PCNT: variants seen among roughly 807,000 people sequenced by gnomAD.
The protein encoded by PCNT is pericentrin, also known as kendrin.
In PCNT, 319 loss-of-function variants were observed where a neutral mutation model predicts 380.4. The observed-to-expected ratio is 0.84, with a 90% CI of 0.77 to 0.92. The LOEUF is 0.92. Ranked by LOEUF, PCNT falls within the 40% of genes least tolerant of loss-of-function variation. The pLI is 0.00. For missense variants in PCNT, 4,400 were observed against 4,255.3 expected, an observed-to-expected ratio of 1.03 and a Z score of -0.95; for synonymous variants, 1,845 against 1,735.2, an observed-to-expected ratio of 1.06 and a Z score of -1.57.
At position 46,399,177 on chromosome 21, in the gene PCNT, T is replaced by C. The variant is rs558164406; in HGVS notation, c.4585-413T>C. ...CATTTTCCTAACAAATTCTGTATTA[T>C]AGAGAATGCCTTTCTTAACACAACA... is the stretch of plus-strand genomic sequence containing the variant. On this transcript the variant is annotated intron_variant, in intron 24 of 46. Transcript: ENST00000359568. Among the ~76,000 whole-genome samples the C allele has an allele frequency of 1.1e-3, 173 of 151,772 alleles. 1 individual carries two copies. The highest frequency in any genetic ancestry group is 1.3e-3 in the Non-Finnish European group (89 of 67,844).
intron 21 of PCNT, among the ~76,000 whole-genome samples, chr21:46,395,070 C>T: frequency 6.6e-6 from 1 of 152,246 alleles, no homozygotes; most frequent in East Asian, 1.9e-4. Context: ...GCCCTCAGGC[C>T]TCGCCGCACG....
At chr21:46,368,059 G>A (rs1204830287) in intron 15 of PCNT, among the ~76,000 whole-genome samples, 2 of 152,208 alleles carry the variant, frequency 1.3e-5, no homozygotes, top group South Asian at 2.1e-4. Context: ...GGAGGCTGAA[G>A]CAGGAGGATT....
intron 13 of PCNT, among the ~76,000 whole-genome samples, chr21:46,362,438 T>G (rs2084754297): frequency 6.6e-6 from 1 of 152,164 alleles, no homozygotes; most frequent in East Asian, 1.9e-4. Flanking sequence ...GCCTTCAGGT[T>G]TTTTTGTACG....
Position 46,346,726 on chromosome 21 carries a change from C to A in PCNT, c.721-17C>A. 1 of 1,590,854 alleles carries A rather than the reference C, an allele frequency of 6.3e-7. No homozygotes were observed. Among genetic ancestry groups the A allele is most frequent in the Non-Finnish European group, 8.5e-7 (1 of 1,170,118 alleles). ...TCTGACCATGGGCCCTTATCAGAGG[C>A]CTTTTCTCCGCCGCAGGCCGTGCAT... On this transcript the variant is annotated splice_polypyrimidine_tract_variant and intron_variant, in intron 4 of 46. Coordinates refer to ENST00000359568, the MANE Select transcript of PCNT (RefSeq NM_006031.6).
At chr21:46,417,355 C>T (rs1054025797) in intron 30 of PCNT, among the ~76,000 whole-genome samples, 3 of 151,884 alleles carry the variant, frequency 2.0e-5, no homozygotes, top group African/African-American at 7.3e-5. Context: ...CCACCACACC[C>T]GGCTAATTTT....
intron 2 of PCNT, among the ~76,000 whole-genome samples, chr21:46,332,974 A>C (rs1283963286): frequency 6.6e-6 from 1 of 152,224 alleles, no homozygotes; most frequent in Non-Finnish European, 1.5e-5. Context: ...TAAGCTGGGC[A>C]CAGTGGCGCA....
rs2085923227 is a variant in PCNT, at chr21:46,388,665, G to A, written c.3465-77G>A. On this transcript the variant is annotated intron_variant, in intron 17 of 46. Coordinates refer to ENST00000359568, the MANE Select transcript of PCNT (RefSeq NM_006031.6). The surrounding 1 kb of genome is among the most constrained non-coding windows in gnomAD (Gnocchi z 4.2). The stretch of plus-strand genomic sequence containing the variant: ...GGCCGAGGTGTGCAAACTGGTGGGC[G>A]GCCCCTCAGCAGCATCCAGGGTGGG... 21 of 1,575,526 alleles carry A rather than the reference G, an allele frequency of 1.3e-5. No homozygotes were observed. The highest frequency in any genetic ancestry group is 2.2e-5 in the East Asian group (1 of 44,686).
chr21:46,439,142 G>T (rs2053540778), intron 41 of PCNT, among the ~76,000 whole-genome samples: 1 of 151,616 alleles, frequency 6.6e-6, no homozygotes, highest in Non-Finnish European at 1.5e-5. Flanking sequence ...CTTTCCTGGT[G>T]TAGTGTCATA....
intron 11 of PCNT, among the ~76,000 whole-genome samples, 156 bp downstream of exon 11, chr21:46,354,224 G>A (rs144597103): frequency 3.3e-5 from 5 of 152,174 alleles, no homozygotes; most frequent in Non-Finnish European, 5.9e-5. Flanking sequence ...CTGCTGCTCC[G>A]CGGTGGGCCT....
chr21:46,415,365 ATTTTTTTTTTTTTTTTT>A (rs35983555), intron 29 of PCNT, among the ~76,000 whole-genome samples: 6 of 65,288 alleles, frequency 9.2e-5, no homozygotes, highest in Non-Finnish European at 1.6e-4. Context: ...GTTTCTTTGA[ATTTTTTTTTTTTTTTTT>A]TTTTTTTTTT....
Position 46,431,846 on chromosome 21 carries a change from G to T in PCNT, c.8382G>T (p.Leu2794=). 1 of 1,614,026 alleles carries T rather than the reference G, an allele frequency of 6.2e-7. No individual in the cohort carries two copies. Among genetic ancestry groups the T allele is most frequent in the Non-Finnish European group, 8.5e-7 (1 of 1,180,036 alleles). The part of the protein sequence containing the change: ...TQAHHALLQK[L]KEEKSRVVDL... ...CCCATCACGCTCTGCTGCAGAAGCTGAAGGAGGAGAAGTCCCGGGTGGTGG... is the reference window on the plus strand; with the variant it reads ...CCCATCACGCTCTGCTGCAGAAGCTTAAGGAGGAGAAGTCCCGGGTGGTGG... The change falls in exon 38 of 47, where the codon CTG becomes CTT. Residue 2794 remains leucine, a synonymous_variant. Coordinates refer to ENST00000359568, the MANE Select transcript of PCNT (RefSeq NM_006031.6).
intron 31 of PCNT, among the ~76,000 whole-genome samples, chr21:46,421,316 T>G (rs559144251): frequency 4.0e-5 from 6 of 150,474 alleles, no homozygotes. Context: ...TGTTTTGAAG[T>G]CTAACACCCT....
rs760689768 is a variant in PCNT at position 46,411,142 on chromosome 21, G to A, written c.5116-47G>A. 18 of 1,575,834 alleles carry A rather than the reference G, an allele frequency of 1.1e-5. 1 individual carries two copies. The highest frequency in any genetic ancestry group is 1.0e-4 in the South Asian group (9 of 89,730). On this transcript the variant is annotated intron_variant, in intron 27 of 46. Transcript: ENST00000359568. ...AACGTGCCCTGAAGTAGGGACATTCGGAAGTGGATACATTTAATTTGCCTC... is the reference window on the plus strand; with the variant it reads ...AACGTGCCCTGAAGTAGGGACATTCAGAAGTGGATACATTTAATTTGCCTC...
chr21:46,440,062 G>A (rs757539986), intron 41 of PCNT, 21 bp from the exon 42 acceptor site: 36 of 1,613,632 alleles, frequency 2.2e-5, no homozygotes, highest in East Asian at 6.7e-5. Flanking sequence ...TGTAGACAGC[G>A]CTGGCTGTGC....
At position 46,431,960 on chromosome 21, in the gene PCNT, G is replaced by A. The variant is rs749568356; in HGVS notation, c.8496G>A (p.Ala2832=). The change falls in exon 38 of 47, where the codon GCG becomes GCA. Residue 2832 remains alanine, a synonymous_variant. Transcript: ENST00000359568. Reference sequence around the variant, plus strand: ...CTGAGGCTCAGAAGCACTGTGAGGCGCTCAGGAGAGAGAAGGAGGTAAGTG... The same window carrying A: ...CTGAGGCTCAGAAGCACTGTGAGGCACTCAGGAGAGAGAAGGAGGTAAGTG... ...LEAEAQKHCE[A]LRREKEVSAT... The A allele has an allele frequency of 6.8e-6, 11 of 1,613,896 alleles. No individual in the cohort carries two copies. The highest frequency in any genetic ancestry group is 1.6e-4 in the Middle Eastern group (1 of 6,084).
intron 16 of PCNT, among the ~76,000 whole-genome samples, chr21:46,383,690 A>C (rs2085688423): frequency 6.8e-6 from 1 of 146,066 alleles, no homozygotes; most frequent in Admixed American, 6.9e-5. Flanking sequence ...TTGTGTATTC[A>C]GTGGCGGAAG....
Position 46,426,244 on chromosome 21 carries a change from G to C in PCNT, c.7320+273G>C, listed in dbSNP as rs986475446. 2.0e-5 allele frequency among the ~76,000 whole-genome samples: 3 copies of C among 151,932 alleles called. No individual in the cohort carries two copies. The East Asian group carries it at 5.8e-4, about 29-fold the overall frequency. On this transcript the variant is annotated intron_variant, in intron 33 of 46. Coordinates refer to ENST00000359568, the MANE Select transcript of PCNT (RefSeq NM_006031.6). ...AGACGGGCTTTCACCATCTTAGCTA[G>C]GCTGGTCTTGAACTCCAGACCTTGT...
intron 3 of PCNT, among the ~76,000 whole-genome samples, chr21:46,337,231 C>T (rs753502827): frequency 1.3e-5 from 2 of 152,134 alleles, no homozygotes; most frequent in Non-Finnish European, 2.9e-5. Flanking sequence ...CCCGCCTCAA[C>T]CCCCCAAAGT....
At chr21:46,427,509 C>A in intron 33 of PCNT, 113 bp from the exon 34 acceptor site, 3 of 1,203,240 alleles carry the variant, frequency 2.5e-6, no homozygotes, top group South Asian at 1.2e-5. Context: ...CCTCATTTAC[C>A]CTGAATCACC....
Sources: allele counts gnomAD v4.1 joint callset (sites outside exome capture counted in the v4.1 genomes callset), GRCh38; gene constraint gnomAD v4.1.1; non-coding constraint Gnocchi (gnomAD v3.1); transcripts MANE v1.5; gene names NCBI Gene and HGNC (gene_info 2026-07-23, HGNC 2026-07-21).